Variants in FOXP1 observed in about 807,000 individuals in gnomAD.
FOXP1 encodes the protein forkhead box protein P1.
A neutral mutation model predicts 98.2 loss-of-function variants in FOXP1; 15 were observed. That is an observed-to-expected ratio of 0.15 (90% CI 0.10 to 0.24). FOXP1 has a LOEUF of 0.24. Ranked by LOEUF, FOXP1 falls within the 10% of genes least tolerant of loss-of-function variation. FOXP1 has a pLI of 1.00. For synonymous variants in FOXP1, 371 were observed against 314.5 expected, an observed-to-expected ratio of 1.18 and a Z score of -1.90; for missense variants, 633 against 848.5, an observed-to-expected ratio of 0.75 and a Z score of 3.15.
chr3:71,111,565 CT>C (rs774885381), intron 7 of FOXP1, among the ~76,000 whole-genome samples: 2 of 151,908 alleles, frequency 1.3e-5, no homozygotes, highest in South Asian at 4.1e-4. Context: ...GCTTGGCTAA[CT>C]TTTGTATTTT....
Position 71,533,305 on chromosome 3 carries a change from CT to C in FOXP1, c.-297-39751del, listed in dbSNP as rs1412325423. Among the ~76,000 whole-genome samples, 3 of 152,194 alleles carry C rather than the reference CT, an allele frequency of 2.0e-5. No individual in the cohort carries two copies. In the East Asian group the frequency reaches 5.8e-4, roughly 29 times the overall value. On this transcript the variant is annotated intron_variant, in intron 2 of 20. Transcript: ENST00000649528. ...CTGCACAAGCAAGACCAACCCCTCC[CT>C]TTCCTCCACCTTCTCAGCCTACTCA... is the stretch of plus-strand genomic sequence containing the variant.
chr3:71,399,220 A>G (rs2081779808), intron 3 of FOXP1, among the ~76,000 whole-genome samples: 1 of 152,036 alleles, frequency 6.6e-6, no homozygotes, highest in South Asian at 2.1e-4. Context: ...AGGTATGTAC[A>G]TAGGTTTAGG....
chr3:71,054,973 TAAA>T (rs199985666), intron 7 of FOXP1, among the ~76,000 whole-genome samples: 1 of 147,060 alleles, frequency 6.8e-6, no homozygotes, highest in Non-Finnish European at 1.5e-5. Context: ...GTGTGCTACT[TAAA>T]AAAAAAAATC....
chr3:71,002,163 A>T (rs908167426), intron 12 of FOXP1, among the ~76,000 whole-genome samples: 1 of 152,230 alleles, frequency 6.6e-6, no homozygotes, highest in Non-Finnish European at 1.5e-5. Context: ...CACCTCTGGT[A>T]CTTGACTAGG....
In FOXP1 at chr3:71,131,421, AAG is replaced by A. The variant is rs1491360758; in HGVS notation, c.181-18786_181-18785del. Among the ~76,000 whole-genome samples, 5 of 151,786 alleles carry A rather than the reference AAG, an allele frequency of 3.3e-5. No homozygotes were observed. The East Asian group carries it at 7.7e-4, about 23-fold the overall frequency. Reference sequence around the variant, plus strand: ...TCAATAACAAAAAAAAAAAAAAAAAAAGGAGGAAGAAAAGGATTCCTTCTGAA... The same window carrying A: ...TCAATAACAAAAAAAAAAAAAAAAAAGAGGAAGAAAAGGATTCCTTCTGAA... On this transcript the variant is annotated intron_variant, in intron 6 of 20. Coordinates refer to ENST00000649528, the MANE Select transcript of FOXP1 (RefSeq NM_001349338.3).
chr3:71,126,326 T>TAAA (rs1449061624), intron 6 of FOXP1, among the ~76,000 whole-genome samples: 4 of 105,696 alleles, frequency 3.8e-5, no homozygotes, highest in South Asian at 3.9e-4. Context: ...CTATTAAAAA[T>TAAA]ACAAAAAAAA....
At chr3:70,989,158 C>T (rs1322522789) in intron 13 of FOXP1, among the ~76,000 whole-genome samples, 2 of 151,836 alleles carry the variant, frequency 1.3e-5, no homozygotes, top group African/African-American at 4.8e-5. Flanking sequence ...TATTTAAATA[C>T]AGTTATTTTC....
At chr3:71,530,608 CT>C (rs2107530766) in intron 2 of FOXP1, among the ~76,000 whole-genome samples, 1 of 152,276 alleles carries the variant, frequency 6.6e-6, no homozygotes, top group South Asian at 2.1e-4. Flanking sequence ...TGAAGGGGAA[CT>C]GACATATCAG....
At chr3:71,013,606 A>G (rs1228387079) in intron 12 of FOXP1, among the ~76,000 whole-genome samples, 3 of 152,250 alleles carry the variant, frequency 2.0e-5, no homozygotes, top group African/African-American at 7.2e-5. Context: ...TGCCATCGCC[A>G]TCAAGCTACC....
intron 14 of FOXP1, among the ~76,000 whole-genome samples, chr3:70,979,279 CAAAAAAAAAAAAAAAAAAAAAAAAAAA>C (rs544916383): frequency 1.2e-4 from 5 of 42,552 alleles, no homozygotes; most frequent in African/African-American, 1.3e-4. Context: ...GACTCTACCT[CAAAAAAAAAAAAAAAAAAAAAAAAAAA>C]AAAAAAAAAA....
chr3:71,449,616 C>T (rs1033593861), intron 3 of FOXP1, among the ~76,000 whole-genome samples: 2 of 152,134 alleles, frequency 1.3e-5, no homozygotes, highest in African/African-American at 2.4e-5. Context: ...CTTTTCTTGT[C>T]CTCTCCCATA....
At chr3:71,567,911 A>G (rs2047026092) in intron 2 of FOXP1, 1 of 151,480 alleles carries the variant, frequency 6.6e-6, no homozygotes, top group African/African-American at 2.4e-5. Context: ...GGTGACTGAG[A>G]TGGAAGATAC....
At chr3:71,119,679 C>T (rs917718028) in intron 6 of FOXP1, among the ~76,000 whole-genome samples, 1 of 152,128 alleles carries the variant, frequency 6.6e-6, no homozygotes, top group African/African-American at 2.4e-5. Context: ...TTTAACACAA[C>T]CTGACAATCA....
At chr3:71,403,992 T>G (rs1282569679) in intron 3 of FOXP1, among the ~76,000 whole-genome samples, 1 of 152,052 alleles carries the variant, frequency 6.6e-6, no homozygotes, top group African/African-American at 2.4e-5. Flanking sequence ...AATATTAACA[T>G]GAATGATAAC....
chr3:70,971,321 G>A (rs192105675), intron 18 of FOXP1: 1 of 175,994 alleles, frequency 5.7e-6, no homozygotes, highest in East Asian at 1.5e-4. Context: ...GGAGAGTAGG[G>A]TATGCCAGGG....
rs116592189 is a variant in FOXP1, at chr3:71,011,902, A to G, written c.974+3647T>C. 7.4e-3 allele frequency among the ~76,000 whole-genome samples: 1,122 copies of G among 152,246 alleles called. 15 individuals carry two copies. The highest frequency in any genetic ancestry group is 0.026 in the African/African-American group (1,079 of 41,550). ...TTATAGGAATTGAGTCTAGGCCCCA[A>G]TTCTAATGATCTTTATTTTCTTTAA... On this transcript the variant is annotated intron_variant, in intron 12 of 20. Coordinates refer to ENST00000649528, the MANE Select transcript of FOXP1 (RefSeq NM_001349338.3).
At chr3:71,470,839 A>G (rs2089272723) in intron 3 of FOXP1, among the ~76,000 whole-genome samples, 1 of 152,266 alleles carries the variant, frequency 6.6e-6, no homozygotes, top group Non-Finnish European at 1.5e-5. Flanking sequence ...CAGTGTATCA[A>G]CTAGTCTTGA....
At chr3:71,538,576 T>C (rs1412188253) in intron 2 of FOXP1, among the ~76,000 whole-genome samples, 2 of 152,176 alleles carry the variant, frequency 1.3e-5, no homozygotes, top group Non-Finnish European at 2.9e-5. Context: ...GACATCTGAG[T>C]TGTCTCCACT....
Position 70,958,737 on chromosome 3 carries a change from C to CAAAAAAAAAAAA in FOXP1, c.*498_*509dup, listed in dbSNP as rs10633687. The stretch of plus-strand genomic sequence containing the variant: ...AGGCCTTCCCCATCCCAACTGGAAG[C>CAAAAAAAAAAAA]AAAAAAAAAAAAAAAAAAAAAAAAA... On this transcript the variant is annotated 3_prime_UTR_variant, in exon 21 of 21. Coordinates refer to ENST00000649528, the MANE Select transcript of FOXP1 (RefSeq NM_001349338.3). The CAAAAAAAAAAAA allele has an allele frequency of 8.4e-5, 2 of 23,864 alleles. No individual in the cohort carries two copies. Among genetic ancestry groups the CAAAAAAAAAAAA allele is most frequent in the African/African-American group, 1.6e-4 (1 of 6,294 alleles). 1.5% of individuals were successfully genotyped at this position (23,864 alleles called of 1,614,324 possible).
Sources: gnomAD v4.1 joint callset for allele counts (sites outside exome capture counted in the v4.1 genomes callset) on GRCh38, gnomAD v4.1.1 for gene constraint, MANE v1.5 for transcripts, NCBI Gene and HGNC (gene_info 2026-07-23, HGNC 2026-07-21) for gene names.